KIF11: variants seen among roughly 807,000 people sequenced by gnomAD.
KIF11 encodes kinesin-like protein KIF11.
KIF11 carries 9 observed loss-of-function variants against 121.0 expected under a neutral mutation model. The ratio of observed to expected loss-of-function variants is 0.07; its 90% CI spans 0.04 to 0.13. KIF11 has a LOEUF of 0.13. Ranked by LOEUF, KIF11 falls within the 10% of genes least tolerant of loss-of-function variation. The probability of loss-of-function intolerance (pLI) is 1.00; values close to 1 mark genes in which losing one functional copy is unlikely to be tolerated. For synonymous variants in KIF11, 408 were observed against 421.0 expected (o/e 0.97, Z 0.38); for missense variants, 846 against 1,217.5 (o/e 0.69, Z 4.54).
At chr10:92,651,870 CAG>C (rs1459709352) in intron 21 of KIF11, among the ~76,000 whole-genome samples, 2 of 149,640 alleles carry the variant, frequency 1.3e-5, no homozygotes, top group Admixed American at 6.7e-5. Flanking sequence ...CAAGCCTAGA[CAG>C]AGTGTGTGAA....
chr10:92,650,312 G>T, intron 20 of KIF11, 89 bp from the exon 21 acceptor site: 2 of 739,566 alleles, frequency 2.7e-6, no homozygotes, highest in South Asian at 3.2e-5. Flanking sequence ...ATTATACCAT[G>T]GGCATTGTGT....
At chr10:92,640,389 C>A (rs550758300) in intron 17 of KIF11, among the ~76,000 whole-genome samples, 1 of 152,246 alleles carries the variant, frequency 6.6e-6, no homozygotes, top group East Asian at 1.9e-4. Context: ...TCTGGCTTTT[C>A]AAGAAAAAGT....
At position 92,652,131 on chromosome 10, in the gene KIF11, T is replaced by G. The variant is rs1456839141; in HGVS notation, c.3040-1534T>G. 4.0e-5 allele frequency among the ~76,000 whole-genome samples: 6 copies of G among 151,632 alleles called. No homozygotes were observed. The East Asian group carries it at 1.2e-3, about 29-fold the overall frequency. On this transcript the variant is annotated intron_variant, in intron 21 of 21. Coordinates refer to ENST00000260731, the MANE Select transcript of KIF11 (RefSeq NM_004523.4). ...TGGCTGCTTGTACCTTTTTTGTGTG[T>G]ATGTCTTGTTTTGTTTTTTTGTTTT...
chr10:92,625,256 AT>A (rs1279474199), intron 10 of KIF11, among the ~76,000 whole-genome samples: 2 of 151,452 alleles, frequency 1.3e-5, no homozygotes, highest in Non-Finnish European at 2.9e-5. Context: ...TTTGATTTGC[AT>A]TTCTCTAACA....
In KIF11 at chr10:92,613,774, A is replaced by C. The variant is rs1476708538; in HGVS notation, c.1032+155A>C. On this transcript the variant is annotated intron_variant, in intron 8 of 21. Coordinates refer to ENST00000260731, the MANE Select transcript of KIF11 (RefSeq NM_004523.4). This position sits in a 1 kb window ranked among gnomAD's most constrained non-coding sequence, Gnocchi z 4.2. ...CAAGGTGGGCGGATCACTTGAGCTTAGGAGTGCCTGGGCAACATGCCGAAA... is the reference window on the plus strand; with the variant it reads ...CAAGGTGGGCGGATCACTTGAGCTTCGGAGTGCCTGGGCAACATGCCGAAA... Among the ~76,000 whole-genome samples, 2 of 152,152 alleles carry C rather than the reference A, an allele frequency of 1.3e-5. No individual in the cohort carries two copies. The highest frequency in any genetic ancestry group is 4.8e-5 in the African/African-American group (2 of 41,444).
chr10:92,607,088 T>C, intron 3 of KIF11, 71 bp from the exon 4 acceptor site: 1 of 930,422 alleles, frequency 1.1e-6, no homozygotes, highest in South Asian at 1.4e-5. Context: ...GTTTTTTGTT[T>C]TTCTAGTCTA....
chr10:92,621,706 A>G (rs973139711), intron 10 of KIF11, among the ~76,000 whole-genome samples: 1 of 151,904 alleles, frequency 6.6e-6, no homozygotes, highest in African/African-American at 2.4e-5. Flanking sequence ...GGCTCAAGCG[A>G]TCCTCCTGCC....
chr10:92,633,781 C>T lies in KIF11; in HGVS notation c.1861C>T (p.Leu621=). 1.3e-6 allele frequency: 2 copies of T among 1,577,568 alleles called. No individual in the cohort carries two copies. Among genetic ancestry groups the T allele is most frequent in the African/African-American group, 1.4e-5 (1 of 73,716 alleles). ...ATTAGCAGCAGAAAGTAAAACTGTACTACAGGAATTGATTGTTAGTACATC... is the reference window on the plus strand; with the variant it reads ...ATTAGCAGCAGAAAGTAAAACTGTATTACAGGAATTGATTGTTAGTACATC... The part of the protein sequence containing the change: ...QSLAAESKTV[L]QELINVLKTD... The change falls in exon 14 of 22, where the codon CTA becomes TTA. Residue 621 remains leucine, a synonymous_variant. Transcript: ENST00000260731.
chr10:92,599,264 C>T, intron 1 of KIF11, among the ~76,000 whole-genome samples: 1 of 151,736 alleles, frequency 6.6e-6, no homozygotes, highest in Non-Finnish European at 1.5e-5. Flanking sequence ...CACCTGTTAT[C>T]CCAGCACTTT....
chr10:92,645,379 G>C lies in KIF11; in HGVS notation c.2284G>C (p.Val762Leu), dbSNP rs1266233267. ...ENIQQKSKDI[V>L]NKMTFHSQKF... ...TTCCTATAGGAAATCTAAGGATATA[G>C]TCAACAAAATGACTTTTCACAGTCA... Residue 762 changes from valine to leucine, a missense_variant, in exon 18 of 22, where the codon GTC becomes CTC. Transcript: ENST00000260731. 2 of 1,610,092 alleles carry C rather than the reference G, an allele frequency of 1.2e-6. No homozygotes were observed. Among genetic ancestry groups the C allele is most frequent in the South Asian group, 2.2e-5 (2 of 90,658 alleles).
intron 1 of KIF11, among the ~76,000 whole-genome samples, chr10:92,601,776 G>A (rs183744302): frequency 4.6e-5 from 7 of 151,338 alleles, no homozygotes; most frequent in Non-Finnish European, 8.8e-5. Flanking sequence ...TCCTGGCTTC[G>A]GGTGATCCTC....
intron 4 of KIF11, among the ~76,000 whole-genome samples, 186 bp downstream of exon 4, chr10:92,607,423 A>G (rs1844441875): frequency 6.6e-6 from 1 of 152,194 alleles, no homozygotes; most frequent in Admixed American, 6.5e-5. Flanking sequence ...AACAGCCTCA[A>G]TGGAAGAGGA....
At chr10:92,606,223 A>G in intron 1 of KIF11, 42 bp from the exon 2 acceptor site, 1 of 1,526,738 alleles carries the variant, frequency 6.5e-7, no homozygotes, top group Non-Finnish European at 8.7e-7. Context: ...ATAACCTGAG[A>G]ACTAAGAGCT....
At chr10:92,627,054 G>T (rs932934732) in intron 10 of KIF11, among the ~76,000 whole-genome samples, 9 of 152,118 alleles carry the variant, frequency 5.9e-5, no homozygotes, top group Admixed American at 5.9e-4. Flanking sequence ...GAGCCACCGC[G>T]CCTGGCTGTA....
intron 10 of KIF11, among the ~76,000 whole-genome samples, chr10:92,628,283 G>A (rs372438634): frequency 6.6e-6 from 1 of 152,156 alleles, no homozygotes; most frequent in African/African-American, 2.4e-5. Context: ...GTGTTTGTGC[G>A]TGTTGCAGCA....
Position 92,619,936 on chromosome 10 carries a change from C to T in KIF11, c.1129-1449C>T, listed in dbSNP as rs535336571. On this transcript the variant is annotated intron_variant, in intron 9 of 21. Transcript: ENST00000260731. ...GTATCTTTTGACGTGTTCCTCTGTTCTTTGTATTTTCTTTGTAAATCGGTA... is the reference window on the plus strand; with the variant it reads ...GTATCTTTTGACGTGTTCCTCTGTTTTTTGTATTTTCTTTGTAAATCGGTA... 2.0e-5 allele frequency among the ~76,000 whole-genome samples: 3 copies of T among 151,576 alleles called. No homozygotes were observed. The East Asian group carries it at 5.8e-4, about 29-fold the overall frequency.
Position 92,630,329 on chromosome 10 carries a change from A to T in KIF11, c.1459A>T (p.Ser487Cys), listed in dbSNP as rs754536458. ...AGAATATATCACATCAGCTTTGGAAAGTACTGAGGAGAAACTTCATGATGC... is the reference window on the plus strand; with the variant it reads ...AGAATATATCACATCAGCTTTGGAATGTACTGAGGAGAAACTTCATGATGC... The part of the protein sequence containing the change: ...KEEYITSALE[S>C]TEEKLHDAAS... The change falls in exon 12 of 22, where the codon AGT (serine) becomes TGT (cysteine). Residue 487 changes from serine (S) to cysteine (C), a missense_variant. Physicochemically the swap from Ser to Cys is moderately radical, Grantham distance 112 (BLOSUM62 -1). Around this residue, in one of 5 missense-constraint regions of KIF11, gnomAD observed 95 missense variants for 109.3 expected, o/e 0.87. Transcript: ENST00000260731. 1 of 1,591,476 alleles carries T rather than the reference A, an allele frequency of 6.3e-7. No homozygotes were observed. Among genetic ancestry groups the T allele is most frequent in the South Asian group, 1.2e-5 (1 of 86,442 alleles).
In KIF11 at chr10:92,645,554, A is replaced by AC; in HGVS notation, c.2459_2460insC (p.Glu820AspfsTer12). 6.2e-7 allele frequency: 1 copy of AC among 1,608,888 alleles called. No homozygotes were observed. The highest frequency in any genetic ancestry group is 8.5e-7 in the Non-Finnish European group (1 of 1,175,204). On this transcript the variant is annotated frameshift_variant, in exon 18 of 22. Coordinates refer to ENST00000260731, the MANE Select transcript of KIF11 (RefSeq NM_004523.4). LOFTEE classifies it high-confidence loss of function. ...TCTCAAGAGACTGAACAGAGATGTG[A>AC]ATCTCTGAACACAAGAACAGTTTAT... is the stretch of plus-strand genomic sequence containing the variant.
chr10:92,647,285 T>C (rs1172908840), intron 18 of KIF11, among the ~76,000 whole-genome samples: 1 of 151,640 alleles, frequency 6.6e-6, no homozygotes, highest in Non-Finnish European at 1.5e-5. Context: ...GGAAAAAATA[T>C]GAGAAACAAT....
Sources: allele counts gnomAD v4.1 joint callset (sites outside exome capture counted in the v4.1 genomes callset), GRCh38; gene constraint gnomAD v4.1.1; regional missense constraint gnomAD v4.1.1; non-coding constraint Gnocchi (gnomAD v3.1); transcripts MANE v1.5; gene names NCBI Gene and HGNC (gene_info 2026-07-23, HGNC 2026-07-21).